DESI2: variants seen among roughly 807,000 people sequenced by gnomAD.
DESI2 encodes desumoylating isopeptidase 2.
Under a neutral mutation model 24.1 loss-of-function variants are expected in DESI2, and 10 were observed. That is an observed-to-expected ratio of 0.41 (90% CI 0.26 to 0.70). The LOEUF (loss-of-function observed/expected upper bound fraction) is 0.70. Ranked by LOEUF, DESI2 falls within the 30% of genes least tolerant of loss-of-function variation. The probability of loss-of-function intolerance (pLI) is 0.29; values close to 1 mark genes in which losing one functional copy is unlikely to be tolerated. For synonymous variants in DESI2, 71 were observed against 87.7 expected (o/e 0.81, Z 1.06); for missense variants, 122 against 234.9 (o/e 0.52, Z 3.14).
intron 1 of DESI2, among the ~76,000 whole-genome samples, chr1:244,658,484 T>C (rs1178839481): frequency 6.6e-6 from 1 of 152,198 alleles, no homozygotes; most frequent in Non-Finnish European, 1.5e-5. Flanking sequence ...ATGCCCTAGT[T>C]GTGCTTCGTG....
At chr1:244,673,055 A>G (rs1337331018) in intron 1 of DESI2, among the ~76,000 whole-genome samples, 2 of 152,080 alleles carry the variant, frequency 1.3e-5, no homozygotes, top group African/African-American at 2.4e-5. Flanking sequence ...CTAAATATTC[A>G]CTTAAAATAG....
At chr1:244,653,403 C>G (rs778577370) in intron 1 of DESI2, 48 bp downstream of exon 1, 9 of 1,531,072 alleles carry the variant, frequency 5.9e-6, no homozygotes, top group Non-Finnish European at 7.8e-6. Context: ...GGCCGGCTTC[C>G]TCTCGCCCGT....
At chr1:244,662,150 T>C (rs1025483133) in intron 1 of DESI2, among the ~76,000 whole-genome samples, 4 of 152,246 alleles carry the variant, frequency 2.6e-5, no homozygotes, top group South Asian at 2.1e-4. Context: ...TGCATTTCTC[T>C]GATGGCCAGT....
chr1:244,677,448 T>C (rs1320960646), intron 1 of DESI2, among the ~76,000 whole-genome samples: 1 of 152,220 alleles, frequency 6.6e-6, no homozygotes, highest in East Asian at 1.9e-4. Flanking sequence ...ACAAAGAAAT[T>C]AACTCTTCAA....
intron 4 of DESI2, among the ~76,000 whole-genome samples, chr1:244,697,118 A>G (rs1423140789): frequency 6.6e-6 from 1 of 152,168 alleles, no homozygotes; most frequent in Non-Finnish European, 1.5e-5. Flanking sequence ...TTTTTGTTGT[A>G]ATAAGTCATA....
intron 4 of DESI2, among the ~76,000 whole-genome samples, chr1:244,696,314 T>C (rs533525125): frequency 6.6e-6 from 1 of 152,316 alleles, no homozygotes; most frequent in African/African-American, 2.4e-5. Context: ...CACCCTGAGA[T>C]ACATTCCCCA....
intron 4 of DESI2, chr1:244,694,841 A>T (rs1195304666): frequency 1.9e-6 from 1 of 519,038 alleles, no homozygotes; most frequent in African/African-American, 1.9e-5. Context: ...GAGTAGCTGC[A>T]GCAAAGATTT....
intron 1 of DESI2, among the ~76,000 whole-genome samples, chr1:244,655,425 A>C (rs888387593): frequency 3.3e-5 from 5 of 152,194 alleles, no homozygotes; most frequent in African/African-American, 1.2e-4. Context: ...ACTTTTAATA[A>C]ACTTGGTCTT....
chr1:244,677,931 C>T (rs1676465638), intron 1 of DESI2, among the ~76,000 whole-genome samples: 1 of 151,964 alleles, frequency 6.6e-6, no homozygotes, highest in South Asian at 2.1e-4. Flanking sequence ...AAAAAAATAA[C>T]AGTAATAATG....
At chr1:244,655,807 G>A (rs576258820) in intron 1 of DESI2, among the ~76,000 whole-genome samples, 22 of 152,338 alleles carry the variant, frequency 1.4e-4, no homozygotes, top group African/African-American at 5.3e-4. Flanking sequence ...AGCTGGTCCA[G>A]TATAACTAGA....
intron 1 of DESI2, among the ~76,000 whole-genome samples, chr1:244,683,515 G>T (rs189345057): frequency 2.3e-4 from 35 of 152,144 alleles, no homozygotes; most frequent in Admixed American, 2.0e-3. Context: ...GTTTCACCAT[G>T]TTAGCCAGGG....
intron 1 of DESI2, among the ~76,000 whole-genome samples, chr1:244,672,991 C>T (rs1454239030): frequency 6.6e-6 from 1 of 152,036 alleles, no homozygotes; most frequent in East Asian, 1.9e-4. Context: ...CCGTAAAAGG[C>T]TCAGTTCTCA....
intron 1 of DESI2, among the ~76,000 whole-genome samples, chr1:244,679,558 T>TA: frequency 6.6e-6 from 1 of 152,246 alleles, no homozygotes; most frequent in South Asian, 2.1e-4. Flanking sequence ...CCTAAATACT[T>TA]TAGTATGTAT....
At chr1:244,692,132 G>C (rs750848032) in intron 4 of DESI2, 112 bp downstream of exon 4, 308 of 953,300 alleles carry the variant, frequency 3.2e-4, no homozygotes, top group Non-Finnish European at 4.6e-4. Flanking sequence ...TTTTTGTGTT[G>C]TATGAAATAT....
Position 244,660,187 on chromosome 1 carries a change from T to G in DESI2, c.42+6832T>G, listed in dbSNP as rs1039636878. ...GTTGTTGTTTTGTTGTTGTTGTTGT[T>G]GTTTTGAGACAGAGGTCGCCCAGGT... On this transcript the variant is annotated intron_variant, in intron 1 of 4. Transcript: ENST00000302550. Among the ~76,000 whole-genome samples the G allele has an allele frequency of 3.3e-5, 5 of 152,322 alleles. No homozygotes were observed. In the East Asian group the frequency reaches 5.8e-4, roughly 18 times the overall value.
intron 3 of DESI2, among the ~76,000 whole-genome samples, chr1:244,690,856 C>T (rs1184354502): frequency 6.6e-6 from 1 of 152,114 alleles, no homozygotes; most frequent in African/African-American, 2.4e-5. Flanking sequence ...CACATTAAGC[C>T]CTCTACTAAG....
At chr1:244,678,535 C>T (rs1160353658) in intron 1 of DESI2, among the ~76,000 whole-genome samples, 1 of 152,172 alleles carries the variant, frequency 6.6e-6, no homozygotes, top group African/African-American at 2.4e-5. Flanking sequence ...AACTCTTTTT[C>T]ATGAATATCT....
At chr1:244,673,989 C>CTTTTT (rs143887006) in intron 1 of DESI2, among the ~76,000 whole-genome samples, 1 of 73,200 alleles carries the variant, frequency 1.4e-5, no homozygotes, top group African/African-American at 5.2e-5. Flanking sequence ...ACTTCTGTCT[C>CTTTTT]TTTTTTTTTT....
At chr1:244,679,802 G>A (rs1676540559) in intron 1 of DESI2, among the ~76,000 whole-genome samples, 1 of 151,328 alleles carries the variant, frequency 6.6e-6, no homozygotes, top group South Asian at 2.1e-4. Context: ...GGGAGGTGGA[G>A]GTTGCAGTGA....
Sources: allele counts gnomAD v4.1 joint callset (sites outside exome capture counted in the v4.1 genomes callset), GRCh38; gene constraint gnomAD v4.1.1; transcripts MANE v1.5; gene names NCBI Gene and HGNC (gene_info 2026-07-23, HGNC 2026-07-21).